Variants in HECTD2 observed in about 807,000 individuals in gnomAD.
HECTD2 encodes HECT domain E3 ubiquitin protein ligase 2.
Under a neutral mutation model 103.2 loss-of-function variants are expected in HECTD2, and 35 were observed. The ratio of observed to expected loss-of-function variants is 0.34; its 90% CI spans 0.26 to 0.45. HECTD2 has a LOEUF of 0.45. Ranked by LOEUF, HECTD2 falls within the 20% of genes least tolerant of loss-of-function variation. The pLI is 1.00. For missense variants in HECTD2, 596 were observed against 937.4 expected, an observed-to-expected ratio of 0.64 and a Z score of 4.76; for synonymous variants, 281 against 329.9, an observed-to-expected ratio of 0.85 and a Z score of 1.61.
chr10:91,450,813 A>G (rs1485803112), intron 2 of HECTD2, among the ~76,000 whole-genome samples: 1 of 152,208 alleles, frequency 6.6e-6, no homozygotes, highest in Non-Finnish European at 1.5e-5. Context: ...TCAAACCACA[A>G]TGAGATACCA....
rs186073916 is a variant in HECTD2, at chr10:91,468,777, T to A, written c.600+6593T>A. ...TTTACCCCATCTCTACAAAAAAAAA[T>A]TTTTTTAAGTTAGCTGGGTGTAGTG... On this transcript the variant is annotated intron_variant, in intron 5 of 20. Transcript: ENST00000298068. 8.6e-3 allele frequency among the ~76,000 whole-genome samples: 1,302 copies of A among 151,636 alleles called. 9 individuals carry two copies. Among genetic ancestry groups the A allele is most frequent in the East Asian group, 0.031 (160 of 5,150 alleles).
intron 1 of HECTD2, among the ~76,000 whole-genome samples, chr10:91,421,257 C>CTT (rs374587906): frequency 6.0e-5 from 9 of 149,628 alleles, no homozygotes; most frequent in African/African-American, 2.2e-4. Flanking sequence ...CATTATTGAC[C>CTT]TTTTTTTTTT....
At chr10:91,511,172 T>G (rs1405743769) in intron 20 of HECTD2, among the ~76,000 whole-genome samples, 2 of 152,214 alleles carry the variant, frequency 1.3e-5, no homozygotes, top group African/African-American at 4.8e-5. Flanking sequence ...ATTCACATTT[T>G]TATTCATTGA....
chr10:91,500,391 A>G, intron 18 of HECTD2, 111 bp from the exon 19 acceptor site: 2 of 343,846 alleles, frequency 5.8e-6, no homozygotes, highest in Admixed American at 3.8e-5. Context: ...AAATGGTTTG[A>G]TTTACTATGA....
rs1846073344 is a variant in HECTD2 at position 91,481,130 on chromosome 10, A to C, written c.702A>C (p.Ile234=). The change falls in exon 7 of 21, where the codon ATA becomes ATC. Residue 234 remains isoleucine, a synonymous_variant. Transcript: ENST00000298068. Reference sequence around the variant, plus strand: ...AAGATGATCTTAGAGCATATTTTATACTTTTACAGGTAAGAGAACCAGAAC... The same window carrying C: ...AAGATGATCTTAGAGCATATTTTATCCTTTTACAGGTAAGAGAACCAGAAC... ...RTKDDLRAYF[I]LLQNPQFNNT... 1 of 1,529,272 alleles carries C rather than the reference A, an allele frequency of 6.5e-7. No homozygotes were observed. The highest frequency in any genetic ancestry group is 1.4e-5 in the African/African-American group (1 of 71,670). 94.7% of individuals were successfully genotyped at this position (1,529,272 alleles called of 1,614,324 possible). A position where few individuals can be genotyped will look rare whatever the true frequency, so the allele number is the denominator to read the frequency against.
chr10:91,484,224 A>G, intron 8 of HECTD2: 6 of 669,586 alleles, frequency 9.0e-6, no homozygotes, highest in Non-Finnish European at 1.5e-5. Context: ...CAAGTAGGCA[A>G]ATTTGGAAAT....
chr10:91,422,409 A>G (rs988746868), intron 1 of HECTD2, among the ~76,000 whole-genome samples: 1 of 152,178 alleles, frequency 6.6e-6, no homozygotes, highest in African/African-American at 2.4e-5. Flanking sequence ...CATTTATTAT[A>G]CAAGCACGGC....
In HECTD2 at chr10:91,514,415, GCT is replaced by G. The variant is rs890050045; in HGVS notation, c.*2034_*2035del. ...TTGCACATTGCCTTTATTTATTTGT[GCT>G]CTGTTTTTGGTTTACAGTGTAATAA... On this transcript the variant is annotated 3_prime_UTR_variant, in exon 21 of 21. Coordinates refer to ENST00000298068, the MANE Select transcript of HECTD2 (RefSeq NM_182765.6). 5.9e-5 allele frequency: 9 copies of G among 152,448 alleles called. No individual in the cohort carries two copies. Among genetic ancestry groups the G allele is most frequent in the African/African-American group, 1.7e-4 (7 of 41,382 alleles). 9.4% of individuals were successfully genotyped at this position (152,448 alleles called of 1,614,324 possible). A position where few individuals can be genotyped will look rare whatever the true frequency, so the allele number is the denominator to read the frequency against.
chr10:91,486,725 T>G (rs1453063631), intron 10 of HECTD2: 1 of 152,174 alleles, frequency 6.6e-6, no homozygotes, highest in African/African-American at 2.4e-5. Context: ...TCATTGCATT[T>G]TCTTTTTATT....
At chr10:91,434,628 C>CT (rs58548755) in intron 2 of HECTD2, among the ~76,000 whole-genome samples, 30,331 of 151,714 alleles carry the variant, frequency 0.2, 7,188 homozygotes, top group African/African-American at 0.58. Context: ...TTTTGTTCTT[C>CT]TTTTTTTGGG....
intron 1 of HECTD2, among the ~76,000 whole-genome samples, chr10:91,418,645 C>T (rs942550056): frequency 6.6e-6 from 1 of 151,910 alleles, no homozygotes; most frequent in Non-Finnish European, 1.5e-5. Context: ...GATTTTGTAA[C>T]CCACCATCCT....
chr10:91,417,011 T>C (rs1843154358), intron 1 of HECTD2, among the ~76,000 whole-genome samples: 1 of 152,244 alleles, frequency 6.6e-6, no homozygotes, highest in South Asian at 2.1e-4. Context: ...CAACTTCTTT[T>C]GGCATAGTGT....
chr10:91,467,214 G>A (rs1205468493), intron 5 of HECTD2, among the ~76,000 whole-genome samples: 1 of 152,192 alleles, frequency 6.6e-6, no homozygotes, highest in Admixed American at 6.5e-5. Context: ...CTGGCAACAG[G>A]AGATTCCATG....
At chr10:91,430,047 T>G (rs1256875806) in intron 2 of HECTD2, among the ~76,000 whole-genome samples, 2 of 152,254 alleles carry the variant, frequency 1.3e-5, no homozygotes, top group Non-Finnish European at 2.9e-5. Flanking sequence ...CACACTGCTT[T>G]GAATGTGTCC....
At chr10:91,444,247 T>TA (rs1490887432) in intron 2 of HECTD2, among the ~76,000 whole-genome samples, 2 of 152,192 alleles carry the variant, frequency 1.3e-5, no homozygotes, top group African/African-American at 4.8e-5. Flanking sequence ...AGAGCATATA[T>TA]ACACAGTTTT....
intron 20 of HECTD2, among the ~76,000 whole-genome samples, chr10:91,507,654 C>T (rs1213135058): frequency 1.1e-4 from 17 of 148,050 alleles, no homozygotes; most frequent in African/African-American, 4.1e-4. Flanking sequence ...ATTCCATGCT[C>T]ATGGGTAGGA....
intron 14 of HECTD2, 59 bp from the exon 15 acceptor site, chr10:91,496,155 T>G: frequency 8.0e-7 from 1 of 1,242,870 alleles, no homozygotes; most frequent in South Asian, 1.6e-5. Flanking sequence ...TGATGCATAA[T>G]TCAGAACTCA....
At chr10:91,482,083 A>G (rs992660586) in intron 7 of HECTD2, among the ~76,000 whole-genome samples, 6 of 151,820 alleles carry the variant, frequency 4.0e-5, no homozygotes, top group African/African-American at 1.2e-4. Context: ...AGCTAGAAAG[A>G]TGACACGAAG....
chr10:91,491,777 T>C (rs1482598800), intron 12 of HECTD2, among the ~76,000 whole-genome samples: 1 of 152,194 alleles, frequency 6.6e-6, no homozygotes, highest in Non-Finnish European at 1.5e-5. Context: ...TCATAAAAAA[T>C]GCTTCAGCTA....
Sources: gnomAD v4.1 joint callset for allele counts (sites outside exome capture counted in the v4.1 genomes callset) on GRCh38, gnomAD v4.1.1 for gene constraint, MANE v1.5 for transcripts, NCBI Gene and HGNC (gene_info 2026-07-23, HGNC 2026-07-21) for gene names.